The following STX7 variants were observed in gnomAD, a reference collection of about 807,000 sequenced individuals.
The protein encoded by STX7 is syntaxin-7.
In STX7, 34 loss-of-function variants were observed where a neutral mutation model predicts 39.6. The ratio of observed to expected loss-of-function variants is 0.86; its 90% CI spans 0.65 to 1.14. The LOEUF is 1.14. Among genes scored for constraint, STX7 ranks in the 50% most tolerant of loss-of-function variants. The pLI is 0.00. For missense variants in STX7, 284 were observed against 310.4 expected, an observed-to-expected ratio of 0.92 and a Z score of 0.64; for synonymous variants, 119 against 99.1, an observed-to-expected ratio of 1.20 and a Z score of -1.19.
In STX7 at chr6:132,464,020, C is replaced by T. The variant is rs1774492385; in HGVS notation, c.666G>A (p.Gln222=). 1 of 1,613,962 alleles carries T rather than the reference C, an allele frequency of 6.2e-7. No individual in the cohort carries two copies. The highest frequency in any genetic ancestry group is 8.5e-7 in the Non-Finnish European group (1 of 1,179,992). Residue 222 remains glutamine, a synonymous_variant, in exon 9 of 10, where the codon CAG becomes CAA. Transcript: ENST00000367941. The stretch of plus-strand genomic sequence containing the variant: ...GATAATCTGCTGCCCTTGACAGCTG[C>T]TGATTTGCTTGCTGAACGTGCACCT... ...NAEVHVQQAN[Q]QLSRAADYQR...
Position 132,472,453 on chromosome 6 carries a change from A to T in STX7, c.156-78T>A, listed in dbSNP as rs1774751928. 5 of 1,087,614 alleles carry T rather than the reference A, an allele frequency of 4.6e-6. No individual in the cohort carries two copies. In the South Asian group the frequency reaches 5.4e-5, roughly 12 times the overall value. The allele number at this position is 1,087,614 out of a possible 1,614,324, so 67.4% of individuals were successfully genotyped here. ...CTTCAACTCTGCCTTTTGAATCAACACTGATAAACAGTTGTACAAAAATTG... is the reference window on the plus strand; with the variant it reads ...CTTCAACTCTGCCTTTTGAATCAACTCTGATAAACAGTTGTACAAAAATTG... On this transcript the variant is annotated intron_variant, in intron 3 of 9. Coordinates refer to ENST00000367941, the MANE Select transcript of STX7 (RefSeq NM_003569.3).
At chr6:132,469,112 C>A (rs1305084278) in intron 7 of STX7, among the ~76,000 whole-genome samples, 5 of 152,218 alleles carry the variant, frequency 3.3e-5, no homozygotes, top group African/African-American at 1.2e-4. Context: ...GTGCCTGGCA[C>A]ATGGAAGGTC....
chr6:132,512,149 A>G (rs1775861831), intron 1 of STX7, among the ~76,000 whole-genome samples: 1 of 152,230 alleles, frequency 6.6e-6, no homozygotes, highest in Non-Finnish European at 1.5e-5. Flanking sequence ...ATTATTAAAT[A>G]GCACAGCATT....
At chr6:132,503,708 C>A in intron 1 of STX7, 120 bp from the exon 2 acceptor site, 4 of 400,968 alleles carry the variant, frequency 1.0e-5, no homozygotes, top group Non-Finnish European at 1.8e-5. Flanking sequence ...TGAAATCTGG[C>A]AAAGTGACAC....
intron 2 of STX7, 56 bp from the exon 3 acceptor site, chr6:132,475,718 G>C: frequency 7.7e-7 from 1 of 1,305,140 alleles, no homozygotes; most frequent in Non-Finnish European, 1.1e-6. Flanking sequence ...GTAACAGAAA[G>C]AGTTAAAAAT....
chr6:132,505,691 C>T (rs530238670), intron 1 of STX7, among the ~76,000 whole-genome samples: 3 of 137,780 alleles, frequency 2.2e-5, no homozygotes, highest in Non-Finnish European at 3.0e-5. Flanking sequence ...CAACACCATC[C>T]GGAACATCCT....
chr6:132,473,294 T>C (rs906806603), intron 3 of STX7, among the ~76,000 whole-genome samples: 1 of 152,184 alleles, frequency 6.6e-6, no homozygotes, highest in African/African-American at 2.4e-5. Context: ...ATTATAGTCA[T>C]CCCTCAGTAT....
rs913691614 is a variant in STX7 at position 132,451,129 on chromosome 6, G to A, written c.*9629C>T. ...TTTTTTTTTTTTGACAAGGAGTCTCGTTCTGTTGCTCAGACTGGAGTACAG... is the reference window on the plus strand; with the variant it reads ...TTTTTTTTTTTTGACAAGGAGTCTCATTCTGTTGCTCAGACTGGAGTACAG... On this transcript the variant is annotated 3_prime_UTR_variant, in exon 10 of 10. Transcript: ENST00000367941. The A allele has an allele frequency of 1.4e-5, 2 of 146,866 alleles. No individual in the cohort carries two copies. The highest frequency in any genetic ancestry group is 2.0e-4 in the East Asian group (1 of 5,028). The allele number at this position is 146,866 out of a possible 1,614,324, so 9.1% of individuals were successfully genotyped here.
chr6:132,481,041 T>C (rs1478369916), intron 2 of STX7, among the ~76,000 whole-genome samples: 2 of 152,190 alleles, frequency 1.3e-5, no homozygotes, highest in Non-Finnish European at 2.9e-5. Flanking sequence ...AATCACCCCC[T>C]AAATTTGGCA....
At chr6:132,493,922 G>A (rs943736448) in intron 2 of STX7, among the ~76,000 whole-genome samples, 2 of 152,128 alleles carry the variant, frequency 1.3e-5, no homozygotes, top group Admixed American at 6.5e-5. Flanking sequence ...ATGAATATGT[G>A]TAATCAAAGA....
intron 8 of STX7, 49 bp from the exon 9 acceptor site, chr6:132,464,124 C>T (rs1304485173): frequency 7.3e-6 from 11 of 1,506,036 alleles, no homozygotes; most frequent in Non-Finnish European, 1.0e-5. Flanking sequence ...TGGATTGATG[C>T]TCCAGTAACA....
intron 1 of STX7, among the ~76,000 whole-genome samples, chr6:132,507,400 C>T (rs1173989228): frequency 3.3e-5 from 5 of 152,216 alleles, no homozygotes; most frequent in Non-Finnish European, 4.4e-5. Context: ...ATTGTACAAT[C>T]ATCACTTTTA....
chr6:132,463,709 G>A (rs1220793399), intron 9 of STX7, among the ~76,000 whole-genome samples: 2 of 152,192 alleles, frequency 1.3e-5, no homozygotes, highest in Non-Finnish European at 2.9e-5. Flanking sequence ...AATGACATCA[G>A]AGATCCCCGG....
intron 8 of STX7, among the ~76,000 whole-genome samples, chr6:132,464,867 C>T (rs1582647015): frequency 6.6e-6 from 1 of 152,242 alleles, no homozygotes; most frequent in Middle Eastern, 3.4e-3. Flanking sequence ...AGTTTTTCTT[C>T]CCACCCTCCA....
rs1388518785 is a variant in STX7, at chr6:132,455,503, C to T, written c.*5255G>A. ...AGATTCAATTCAGTTCTAGAAAACT[C>T]CCTCGTCAACAAGTAGAGGTGTTGT... On this transcript the variant is annotated 3_prime_UTR_variant, in exon 10 of 10. Coordinates refer to ENST00000367941, the MANE Select transcript of STX7 (RefSeq NM_003569.3). 1 of 152,144 alleles carries T rather than the reference C, an allele frequency of 6.6e-6. No homozygotes were observed. Among genetic ancestry groups the T allele is most frequent in the Non-Finnish European group, 1.5e-5 (1 of 68,030 alleles). The allele number at this position is 152,144 out of a possible 1,614,324, so 9.4% of individuals were successfully genotyped here. A position where few individuals can be genotyped will look rare whatever the true frequency, so the allele number is the denominator to read the frequency against.
chr6:132,475,125 A>ATTTTT (rs200801252), intron 3 of STX7, among the ~76,000 whole-genome samples: 1 of 144,464 alleles, frequency 6.9e-6, no homozygotes, highest in African/African-American at 2.5e-5. Context: ...CTATCAAGGA[A>ATTTTT]TTTTTTTTTT....
At chr6:132,507,575 A>G (rs1487177189) in intron 1 of STX7, among the ~76,000 whole-genome samples, 5 of 152,222 alleles carry the variant, frequency 3.3e-5, no homozygotes, top group Non-Finnish European at 4.4e-5. Flanking sequence ...GTGTTCTTCG[A>G]GACTAGCTTC....
chr6:132,497,534 T>C (rs1775447089), intron 2 of STX7, among the ~76,000 whole-genome samples: 1 of 152,226 alleles, frequency 6.6e-6, no homozygotes. Flanking sequence ...ACTCAATGTA[T>C]ACATTATACT....
intron 8 of STX7, among the ~76,000 whole-genome samples, chr6:132,466,511 T>C (rs1026592420): frequency 6.6e-6 from 1 of 152,150 alleles, no homozygotes; most frequent in African/African-American, 2.4e-5. Context: ...AAACCATACA[T>C]AAATGAATAC....
Sources: gnomAD v4.1 joint callset for allele counts (sites outside exome capture counted in the v4.1 genomes callset) on GRCh38, gnomAD v4.1.1 for gene constraint, MANE v1.5 for transcripts, NCBI Gene and HGNC (gene_info 2026-07-23, HGNC 2026-07-21) for gene names.